The following NFASC variants were observed in gnomAD, a reference collection of about 807,000 sequenced individuals.
NFASC encodes neurofascin, also known as neurofascin homolog.
NFASC carries 43 observed loss-of-function variants against 147.5 expected under a neutral mutation model. That is an observed-to-expected ratio of 0.29 (90% confidence interval 0.23 to 0.38). The LOEUF (loss-of-function observed/expected upper bound fraction) is 0.38. NFASC is among the 10% of genes least tolerant of loss of function. NFASC has a pLI of 1.00. For synonymous variants in NFASC, 622 were observed against 665.5 expected, an observed-to-expected ratio of 0.93 and a Z score of 1.01; for missense variants, 1,320 against 1,689.0, an observed-to-expected ratio of 0.78 and a Z score of 3.83.
intron 27 of NFASC, 80 bp from the exon 28 acceptor site, chr1:205,009,477 G>GAAGT: frequency 6.8e-7 from 1 of 1,472,788 alleles, no homozygotes; most frequent in East Asian, 2.3e-5. Flanking sequence ...TGAGATAGCT[G>GAAGT]AAGTTCTTCC....
chr1:204,880,702 G>A (rs1020888385), intron 1 of NFASC, among the ~76,000 whole-genome samples: 3 of 152,162 alleles, frequency 2.0e-5, no homozygotes, highest in Admixed American at 6.5e-5. Context: ...AGAGGTAGGG[G>A]AATGAAACCT....
At chr1:204,989,202 G>T in intron 23 of NFASC, 1 of 232,440 alleles carries the variant, frequency 4.3e-6, no homozygotes, top group East Asian at 1.1e-4. Flanking sequence ...CTCCCATGAG[G>T]GCTCTGGGGA....
At chr1:204,833,912 C>T (rs540729133) in intron 1 of NFASC, among the ~76,000 whole-genome samples, 4 of 152,132 alleles carry the variant, frequency 2.6e-5, no homozygotes, top group Non-Finnish European at 5.9e-5. Context: ...AGGGCTGTTA[C>T]AGAGATTAAA....
At chr1:204,925,321 A>G (rs2091296410) in intron 2 of NFASC, among the ~76,000 whole-genome samples, 1 of 152,252 alleles carries the variant, frequency 6.6e-6, no homozygotes, top group Admixed American at 6.5e-5. Flanking sequence ...GAGAGAGAAT[A>G]AACCGCGGAA....
chr1:204,976,225 C>A lies in NFASC; in HGVS notation c.1707-446C>A, dbSNP rs74138685. The stretch of plus-strand genomic sequence containing the variant: ...CCTCCCCTCTCTATAGGAGACAGTT[C>A]CCAGGAGCCTGGGGTCAGGCTGGCC... On this transcript the variant is annotated intron_variant, in intron 15 of 29. Transcript: ENST00000339876. Among the ~76,000 whole-genome samples the A allele has an allele frequency of 5.5e-3, 838 of 152,276 alleles. 8 individuals are homozygous for A. The highest frequency in any genetic ancestry group is 0.019 in the African/African-American group (803 of 41,556).
chr1:205,014,449 G>A (rs1205611913), intron 29 of NFASC, among the ~76,000 whole-genome samples: 2 of 152,230 alleles, frequency 1.3e-5, no homozygotes, highest in Non-Finnish European at 2.9e-5. Context: ...GGGGCGAGGA[G>A]TGCTGTTCTC....
At chr1:205,006,850 G>T (rs971232689) in intron 27 of NFASC, among the ~76,000 whole-genome samples, 5 of 152,200 alleles carry the variant, frequency 3.3e-5, no homozygotes, top group African/African-American at 4.8e-5. Context: ...AATTTCAAGC[G>T]CATGCATCCA....
At position 204,890,768 on chromosome 1, in the gene NFASC, C is replaced by T. The variant is rs560227322; in HGVS notation, c.-199-29864C>T. Among the ~76,000 whole-genome samples the T allele has an allele frequency of 7.7e-4, 117 of 152,184 alleles. 1 individual carries two copies. Among genetic ancestry groups the T allele is most frequent in the South Asian group, 5.0e-3 (24 of 4,812 alleles). On this transcript the variant is annotated intron_variant, in intron 1 of 29. Transcript: ENST00000339876. The stretch of plus-strand genomic sequence containing the variant: ...TATTTTTAGTAGAGACAGGGTTTTG[C>T]CATGTTGGCCAGGCTGGTTTCTAAC...
intron 1 of NFASC, among the ~76,000 whole-genome samples, chr1:204,878,720 C>G (rs2079528841): frequency 6.6e-6 from 1 of 152,226 alleles, no homozygotes. Context: ...GCGGGATCCT[C>G]CCAATTCATG....
intron 3 of NFASC, chr1:204,946,811 T>C (rs10157992): frequency 0.25 from 128,494 of 504,780 alleles, 17,063 homozygotes; most frequent in Non-Finnish European, 0.29. Flanking sequence ...AGCCTTCTTT[T>C]TCGGCAGACC....
At position 204,975,591 on chromosome 1, in the gene NFASC, A is replaced by G. The variant is rs1302914414; in HGVS notation, c.1706+173A>G. On this transcript the variant is annotated intron_variant, in intron 15 of 29. Coordinates refer to ENST00000339876, the MANE Select transcript of NFASC (RefSeq NM_001005388.3). The surrounding 1 kb of genome is among the most constrained non-coding windows in gnomAD (Gnocchi z 4.0). The stretch of plus-strand genomic sequence containing the variant: ...GGGCAACTCCCCTGCTTCAGGGGAG[A>G]CCCCCCCACCGACCCTGTACAACCT... Among the ~76,000 whole-genome samples, 1 of 147,786 alleles carries G rather than the reference A, an allele frequency of 6.8e-6. No individual in the cohort carries two copies. Among genetic ancestry groups the G allele is most frequent in the African/African-American group, 2.5e-5 (1 of 39,654 alleles).
At chr1:204,997,752 G>A (rs1459735198) in intron 25 of NFASC, 9 of 413,742 alleles carry the variant, frequency 2.2e-5, no homozygotes, top group African/African-American at 6.1e-5. Context: ...CCAGCTACAT[G>A]TCAGGCAGTC....
intron 1 of NFASC, among the ~76,000 whole-genome samples, chr1:204,855,129 T>A (rs1436005709): frequency 2.0e-5 from 3 of 152,266 alleles, no homozygotes; most frequent in African/African-American, 7.2e-5. Context: ...TCAGTCCACC[T>A]GACTCCAGCA....
intron 3 of NFASC, among the ~76,000 whole-genome samples, chr1:204,947,331 A>G (rs74138670): frequency 0.019 from 2,921 of 152,264 alleles, 109 homozygotes; most frequent in African/African-American, 0.067. Context: ...CAGACCTCCC[A>G]TGTGTGCTGA....
rs151113223 is a variant in NFASC, at chr1:204,933,323, T to G, written c.-90-10903T>G. ...GGGGGAGATGGAGAATAAGCAACAC[T>G]GGGAAGTAGACAGTCTGAGGGCCTT... On this transcript the variant is annotated intron_variant, in intron 2 of 29. Coordinates refer to ENST00000339876, the MANE Select transcript of NFASC (RefSeq NM_001005388.3). Among the ~76,000 whole-genome samples, 540 of 152,102 alleles carry G rather than the reference T, an allele frequency of 3.6e-3. 2 individuals carry two copies. Among genetic ancestry groups the G allele is most frequent in the Non-Finnish European group, 6.3e-3 (425 of 67,978 alleles).
At position 204,939,038 on chromosome 1, in the gene NFASC, A is replaced by ATGTATGTGTGTGTGTGTG. The variant is rs772779672; in HGVS notation, c.-90-5185_-90-5184insATGTGTGTGTGTGTGTGT. Among the ~76,000 whole-genome samples, 75 of 123,740 alleles carry ATGTATGTGTGTGTGTGTG rather than the reference A, an allele frequency of 6.1e-4. 2 individuals are homozygous for ATGTATGTGTGTGTGTGTG. The highest frequency in any genetic ancestry group is 9.6e-4 in the Non-Finnish European group (56 of 58,438). The allele number at this position is 123,740 out of a possible 152,430, so 81.2% of individuals were successfully genotyped here. A position where few individuals can be genotyped will look rare whatever the true frequency, so the allele number is the denominator to read the frequency against. On this transcript the variant is annotated intron_variant, in intron 2 of 29. Coordinates refer to ENST00000339876, the MANE Select transcript of NFASC (RefSeq NM_001005388.3). Reference sequence around the variant, plus strand: ...TTCTCTTTTCTTCCTGTATGGATGGATGTGTGTGTGTGTGTGTGTGTGTGT... The same window carrying ATGTATGTGTGTGTGTGTG: ...TTCTCTTTTCTTCCTGTATGGATGGATGTATGTGTGTGTGTGTGTGTGTGTGTGTGTGTGTGTGTGTGT...
chr1:204,956,696 G>A (rs564507565), intron 7 of NFASC, among the ~76,000 whole-genome samples: 1 of 152,312 alleles, frequency 6.6e-6, no homozygotes, highest in East Asian at 1.9e-4. Context: ...CACATAGTAG[G>A]CCTACAGTAA....
At chr1:204,962,397 T>C (rs570583708) in intron 8 of NFASC, among the ~76,000 whole-genome samples, 1 of 152,294 alleles carries the variant, frequency 6.6e-6, no homozygotes, top group South Asian at 2.1e-4. Flanking sequence ...CAACAAGTTG[T>C]TCAAACCAGG....
intron 17 of NFASC, 60 bp downstream of exon 17, chr1:204,977,785 G>T (rs1158121165): frequency 2.6e-6 from 4 of 1,522,098 alleles, no homozygotes; most frequent in Non-Finnish European, 3.6e-6. Flanking sequence ...AGGGTGTGGA[G>T]TCTGGGAGAA....
Sources: gnomAD v4.1 joint callset for allele counts (sites outside exome capture counted in the v4.1 genomes callset) on GRCh38, gnomAD v4.1.1 for gene constraint, Gnocchi (gnomAD v3.1) non-coding constraint, MANE v1.5 for transcripts, NCBI Gene and HGNC (gene_info 2026-07-23, HGNC 2026-07-21) for gene names.